Variants in MBD5 observed in about 807,000 individuals in gnomAD.
MBD5 encodes methyl-CpG-binding domain protein 5.
Under a neutral mutation model 117.3 loss-of-function variants are expected in MBD5, and 13 were observed. That is an observed-to-expected ratio of 0.11 (90% confidence interval 0.07 to 0.18). MBD5 has a LOEUF of 0.18. MBD5 is among the 10% of genes least tolerant of loss of function. The pLI is 1.00. For synonymous variants in MBD5, 727 were observed against 766.4 expected (o/e 0.95, Z 0.85); for missense variants, 1,879 against 2,093.8 (o/e 0.90, Z 2.00).
intron 3 of MBD5, among the ~76,000 whole-genome samples, chr2:148,254,084 G>T (rs1239307939): frequency 6.6e-6 from 1 of 152,176 alleles, no homozygotes; most frequent in African/African-American, 2.4e-5. Context: ...GAGAGGAACA[G>T]CTCACTACTA....
chr2:148,113,141 A>G lies in MBD5; in HGVS notation c.-924-65559A>G, dbSNP rs189104572. Reference sequence around the variant, plus strand: ...TTCTACAGCTATTCACTGACAAGCTATGGCTAAAAGCTTGCTGCTTTTATC... The same window carrying G: ...TTCTACAGCTATTCACTGACAAGCTGTGGCTAAAAGCTTGCTGCTTTTATC... On this transcript the variant is annotated intron_variant, in intron 1 of 13. Transcript: ENST00000642680. 4.6e-5 allele frequency among the ~76,000 whole-genome samples: 7 copies of G among 152,328 alleles called. No individual in the cohort carries two copies. In the East Asian group the frequency reaches 1.4e-3, roughly 29 times the overall value.
rs1215509196 is a variant in MBD5, at chr2:148,489,741, C to G, written c.4109C>G (p.Ser1370Cys). 1 of 1,614,172 alleles carries G rather than the reference C, an allele frequency of 6.2e-7. No homozygotes were observed. The highest frequency in any genetic ancestry group is 8.5e-7 in the Non-Finnish European group (1 of 1,180,030). Residue 1370 changes from serine (S) to cysteine (C), a missense_variant, in exon 11 of 14, where the codon TCC becomes TGC. By Grantham distance (112) the Ser-to-Cys change is moderately radical. Around this residue, in one of 4 missense-constraint regions of MBD5, gnomAD observed 1,666 missense variants for 1,792.2 expected, o/e 0.93. Coordinates refer to ENST00000642680, the MANE Select transcript of MBD5 (RefSeq NM_001378120.1). ...TASIGDPLNLSSAVSAVIHGR... is the reference protein window; with the variant it reads ...TASIGDPLNLCSAVSAVIHGR... ...TCAATTGGTGACCCATTAAATCTCT[C>G]CAGTGCTGTCAGTGCGGTCATTCAT...
At chr2:148,138,733 A>G (rs1697232039) in intron 1 of MBD5, among the ~76,000 whole-genome samples, 5 of 152,210 alleles carry the variant, frequency 3.3e-5, no homozygotes, top group African/African-American at 9.6e-5. Context: ...TGACATTTGA[A>G]TGGATATGGG....
At chr2:148,351,525 G>A (rs921079267) in intron 4 of MBD5, among the ~76,000 whole-genome samples, 6 of 151,738 alleles carry the variant, frequency 4.0e-5, no homozygotes, top group African/African-American at 1.5e-4. Context: ...TGGACATTTG[G>A]GTTGTTTCCA....
chr2:148,036,810 G>T (rs1694207477), intron 1 of MBD5, among the ~76,000 whole-genome samples: 1 of 152,022 alleles, frequency 6.6e-6, no homozygotes, highest in Non-Finnish European at 1.5e-5. Flanking sequence ...AAGGTGAACA[G>T]TATCTATGTT....
At chr2:148,331,890 C>T (rs1702667491) in intron 3 of MBD5, among the ~76,000 whole-genome samples, 1 of 151,850 alleles carries the variant, frequency 6.6e-6, no homozygotes, top group African/African-American at 2.4e-5. Context: ...AATTTTTAAG[C>T]CAAATTCTTA....
At chr2:148,179,958 GA>G (rs1398872196) in intron 2 of MBD5, among the ~76,000 whole-genome samples, 1 of 151,770 alleles carries the variant, frequency 6.6e-6, no homozygotes, top group Non-Finnish European at 1.5e-5. Context: ...TTTTTCCTTT[GA>G]AAAAAAGTTT....
intron 4 of MBD5, among the ~76,000 whole-genome samples, chr2:148,405,379 A>G (rs2105125631): frequency 6.6e-6 from 1 of 152,338 alleles, no homozygotes; most frequent in East Asian, 1.9e-4. Flanking sequence ...TCCCACAACT[A>G]AGTAAGATAC....
chr2:148,272,566 A>G (rs567525169), intron 3 of MBD5, among the ~76,000 whole-genome samples: 3 of 152,082 alleles, frequency 2.0e-5, no homozygotes, highest in Admixed American at 2.0e-4. Flanking sequence ...ATACCTATTC[A>G]CCATTTGTAT....
chr2:148,165,361 ATTTGACCT>A (rs1325910903), intron 1 of MBD5, among the ~76,000 whole-genome samples: 1 of 152,114 alleles, frequency 6.6e-6, no homozygotes, highest in Non-Finnish European at 1.5e-5. Flanking sequence ...AATTACCAAT[ATTTGACCT>A]TTTTACCAAT....
At chr2:148,122,943 A>C (rs1347744526) in intron 1 of MBD5, among the ~76,000 whole-genome samples, 2 of 152,212 alleles carry the variant, frequency 1.3e-5, no homozygotes, top group Non-Finnish European at 2.9e-5. Context: ...GAGGCCATAT[A>C]TGAGGCCAAA....
At position 148,314,010 on chromosome 2, in the gene MBD5, C is replaced by A. The variant is rs576392935; in HGVS notation, c.-679-28204C>A. 3.3e-5 allele frequency among the ~76,000 whole-genome samples: 5 copies of A among 151,902 alleles called. No individual in the cohort carries two copies. The South Asian group carries it at 1.0e-3, about 32-fold the overall frequency. On this transcript the variant is annotated intron_variant, in intron 3 of 13. Transcript: ENST00000642680. Reference sequence around the variant, plus strand: ...TCTCAATGTGGTAAGTTGGATACCTCAGTTGGAAATGCAGAAATCACCCGC... The same window carrying A: ...TCTCAATGTGGTAAGTTGGATACCTAAGTTGGAAATGCAGAAATCACCCGC...
chr2:148,141,061 C>T (rs1457754132), intron 1 of MBD5, among the ~76,000 whole-genome samples: 1 of 152,084 alleles, frequency 6.6e-6, no homozygotes, highest in South Asian at 2.1e-4. Flanking sequence ...TGTCAGGCAC[C>T]GCGCCCAGCT....
chr2:148,474,681 A>G (rs1282718881), intron 8 of MBD5, among the ~76,000 whole-genome samples: 1 of 152,204 alleles, frequency 6.6e-6, no homozygotes, highest in East Asian at 1.9e-4. Context: ...AAGAATATAA[A>G]TAAGCCTACA....
At chr2:148,207,901 T>C (rs1470060373) in intron 2 of MBD5, among the ~76,000 whole-genome samples, 1 of 152,232 alleles carries the variant, frequency 6.6e-6, no homozygotes, top group Non-Finnish European at 1.5e-5. Flanking sequence ...AGCATGTTGT[T>C]TGTGTATTAG....
At chr2:148,294,748 T>G (rs954263251) in intron 3 of MBD5, among the ~76,000 whole-genome samples, 2 of 151,876 alleles carry the variant, frequency 1.3e-5, no homozygotes, top group Non-Finnish European at 2.9e-5. Context: ...TCCAGTGATC[T>G]GCACACCTCT....
intron 2 of MBD5, among the ~76,000 whole-genome samples, chr2:148,215,485 T>G (rs913076890): frequency 2.6e-5 from 4 of 152,142 alleles, no homozygotes; most frequent in African/African-American, 4.8e-5. Context: ...CCATGGACCC[T>G]GTTTTTGTTT....
chr2:148,241,759 C>T (rs913330296), intron 3 of MBD5, among the ~76,000 whole-genome samples: 8 of 152,042 alleles, frequency 5.3e-5, no homozygotes, highest in Admixed American at 2.6e-4. Flanking sequence ...TTATATGTTG[C>T]CCAGTGATGT....
chr2:148,491,502 G>A lies in MBD5; in HGVS notation c.4962+908G>A, dbSNP rs781569064. Among the ~76,000 whole-genome samples, 5 of 151,782 alleles carry A rather than the reference G, an allele frequency of 3.3e-5. No individual in the cohort carries two copies. The East Asian group carries it at 5.8e-4, about 18-fold the overall frequency. On this transcript the variant is annotated intron_variant, in intron 11 of 13. Coordinates refer to ENST00000642680, the MANE Select transcript of MBD5 (RefSeq NM_001378120.1). ...ACTCTTACAGGTATATGTTATTCTC[G>A]TAAAGAGTGTATTGTATAAAGCAAT...
Sources: gnomAD v4.1 joint callset for allele counts (sites outside exome capture counted in the v4.1 genomes callset) on GRCh38, gnomAD v4.1.1 for gene constraint, gnomAD v4.1.1 regional missense constraint, MANE v1.5 for transcripts, NCBI Gene and HGNC (gene_info 2026-07-23, HGNC 2026-07-21) for gene names.